Variants in C8orf34 observed in about 807,000 individuals in gnomAD.
The protein encoded by C8orf34 is uncharacterized protein C8orf34.
Under a neutral mutation model 68.3 loss-of-function variants are expected in C8orf34, and 65 were observed. That is an observed-to-expected ratio of 0.95 (90% CI 0.78 to 1.17). The LOEUF is 1.17. C8orf34 is among the 50% of genes most tolerant of loss of function. The pLI is 0.00. For missense variants in C8orf34, 664 were observed against 655.4 expected, an observed-to-expected ratio of 1.01 and a Z score of -0.14; for synonymous variants, 244 against 241.2, an observed-to-expected ratio of 1.01 and a Z score of -0.11.
chr8:68,384,445 G>A (rs140023967), intron 1 of C8orf34, among the ~76,000 whole-genome samples: 1 of 152,216 alleles, frequency 6.6e-6, no homozygotes, highest in Admixed American at 6.5e-5. Context: ...CTGGGTCTGC[G>A]CTTTTGTTGC....
At chr8:68,557,165 G>A (rs2130121666) in intron 7 of C8orf34, among the ~76,000 whole-genome samples, 1 of 152,230 alleles carries the variant, frequency 6.6e-6, no homozygotes, top group South Asian at 2.1e-4. Flanking sequence ...TATTTTCCTG[G>A]AGGGTAAAAT....
At chr8:68,423,166 G>A (rs1810057644) in intron 1 of C8orf34, among the ~76,000 whole-genome samples, 1 of 152,170 alleles carries the variant, frequency 6.6e-6, no homozygotes, top group African/African-American at 2.4e-5. Flanking sequence ...CAGCGGGCTT[G>A]AATTTTTCCC....
At chr8:68,686,909 T>A (rs1820535484) in intron 8 of C8orf34, among the ~76,000 whole-genome samples, 1 of 152,128 alleles carries the variant, frequency 6.6e-6, no homozygotes, top group Non-Finnish European at 1.5e-5. Flanking sequence ...CTAGATCTGA[T>A]AAACAAATTC....
chr8:68,434,545 C>A (rs1810577472), intron 1 of C8orf34, among the ~76,000 whole-genome samples: 1 of 152,146 alleles, frequency 6.6e-6, no homozygotes. Context: ...TCTAGTCTAT[C>A]ACTGATGGGC....
chr8:68,531,318 A>G (rs1241458153), intron 6 of C8orf34, among the ~76,000 whole-genome samples: 1 of 152,106 alleles, frequency 6.6e-6, no homozygotes, highest in Non-Finnish European at 1.5e-5. Context: ...CATCTAATAA[A>G]AGATCATGTG....
rs79327825 is a variant in C8orf34 at position 68,374,982 on chromosome 8, G to A, written c.327+43643G>A. On this transcript the variant is annotated intron_variant, in intron 1 of 13. Coordinates refer to ENST00000518698, the MANE Select transcript of C8orf34 (RefSeq NM_052958.4). Reference sequence around the variant, plus strand: ...ATAGCAACTACTGCAAAATAAGATGGCAATAAATGGTAGTTTTTACTTCTT... The same window carrying A: ...ATAGCAACTACTGCAAAATAAGATGACAATAAATGGTAGTTTTTACTTCTT... Among the ~76,000 whole-genome samples the A allele has an allele frequency of 7.6e-3, 1,156 of 152,244 alleles. 36 individuals are homozygous for A. The East Asian group carries it at 0.097, about 13-fold the overall frequency.
At chr8:68,553,182 G>A (rs1474939839) in intron 7 of C8orf34, among the ~76,000 whole-genome samples, 1 of 151,766 alleles carries the variant, frequency 6.6e-6, no homozygotes, top group Non-Finnish European at 1.5e-5. Context: ...TCAGGAGATC[G>A]AGACCGTCCT....
intron 5 of C8orf34, among the ~76,000 whole-genome samples, chr8:68,518,652 C>T (rs1814618455): frequency 6.6e-6 from 1 of 152,052 alleles, no homozygotes; most frequent in Non-Finnish European, 1.5e-5. Flanking sequence ...AATCCCAGCA[C>T]TTTGGGAGGC....
chr8:68,562,615 G>C (rs969818850), intron 7 of C8orf34, among the ~76,000 whole-genome samples: 1 of 152,170 alleles, frequency 6.6e-6, no homozygotes, highest in Admixed American at 6.5e-5. Flanking sequence ...TTATCATAGA[G>C]ATACATTGTA....
At chr8:68,790,472 G>A (rs138789529) in intron 12 of C8orf34, among the ~76,000 whole-genome samples, 59 of 152,206 alleles carry the variant, frequency 3.9e-4, no homozygotes, top group African/African-American at 1.2e-3. Flanking sequence ...TCCAAATAAC[G>A]TCAGGGGTAA....
At chr8:68,400,416 A>G (rs1171914671) in intron 1 of C8orf34, among the ~76,000 whole-genome samples, 1 of 147,482 alleles carries the variant, frequency 6.8e-6, no homozygotes, top group Non-Finnish European at 1.5e-5. Context: ...TATTTATTGC[A>G]AAGTTCCCCA....
chr8:68,417,834 G>A (rs1429687888), intron 1 of C8orf34, among the ~76,000 whole-genome samples: 1 of 152,016 alleles, frequency 6.6e-6, no homozygotes, highest in African/African-American at 2.4e-5. Context: ...TGTGAAGAAA[G>A]TCATTGGTAG....
At chr8:68,373,405 A>C (rs1473509654) in intron 1 of C8orf34, among the ~76,000 whole-genome samples, 1 of 152,194 alleles carries the variant, frequency 6.6e-6, no homozygotes, top group Non-Finnish European at 1.5e-5. Context: ...TACTCATAGG[A>C]ATTCTCTCCA....
intron 7 of C8orf34, among the ~76,000 whole-genome samples, chr8:68,617,377 C>A (rs1021965257): frequency 6.6e-6 from 1 of 152,130 alleles, no homozygotes; most frequent in East Asian, 1.9e-4. Flanking sequence ...TTCTTCCTAG[C>A]CTCGATGGTC....
chr8:68,669,937 C>T (rs760197390), intron 8 of C8orf34, among the ~76,000 whole-genome samples: 2 of 152,136 alleles, frequency 1.3e-5, no homozygotes, highest in Non-Finnish European at 2.9e-5. Flanking sequence ...AAGACAGTAA[C>T]ATGAATGGCT....
intron 4 of C8orf34, among the ~76,000 whole-genome samples, chr8:68,479,096 G>A (rs923662290): frequency 1.3e-5 from 2 of 152,208 alleles, no homozygotes; most frequent in Admixed American, 1.3e-4. Context: ...GAGAAAAGAT[G>A]CAATTTGACT....
chr8:68,511,990 G>C (rs1814295178), intron 5 of C8orf34, among the ~76,000 whole-genome samples: 1 of 152,106 alleles, frequency 6.6e-6, no homozygotes. Flanking sequence ...TCTTTATGAA[G>C]TGTTTTTTTT....
At chr8:68,730,622 T>C (rs1377703604) in intron 10 of C8orf34, among the ~76,000 whole-genome samples, 1 of 152,184 alleles carries the variant, frequency 6.6e-6, no homozygotes, top group Non-Finnish European at 1.5e-5. Flanking sequence ...TGATAAAGTG[T>C]GATCTAATAA....
chr8:68,354,562 G>C (rs1806664103), intron 1 of C8orf34, among the ~76,000 whole-genome samples: 1 of 152,098 alleles, frequency 6.6e-6, no homozygotes, highest in South Asian at 2.1e-4. Flanking sequence ...GCTTCAGAGT[G>C]ATGGGGCTGC....
Sources: gnomAD v4.1 joint callset for allele counts (sites outside exome capture counted in the v4.1 genomes callset) on GRCh38, gnomAD v4.1.1 for gene constraint, MANE v1.5 for transcripts, NCBI Gene and HGNC (gene_info 2026-07-23, HGNC 2026-07-21) for gene names.